Variants in LYPD6 observed in about 807,000 individuals in gnomAD.
The protein encoded by LYPD6 is ly6/PLAUR domain-containing protein 6.
LYPD6 carries 15 observed loss-of-function variants against 22.7 expected under a neutral mutation model. The observed-to-expected ratio is 0.66, with a 90% confidence interval of 0.44 to 1.02. LYPD6 has a LOEUF of 1.02. Ranked by LOEUF, LYPD6 falls within the 50% of genes least tolerant of loss-of-function variation. The pLI, the probability that LYPD6 is intolerant of heterozygous loss-of-function variation, is 0.00. For missense variants in LYPD6, 189 were observed against 208.4 expected (o/e 0.91, Z 0.57); for synonymous variants, 72 against 77.5 (o/e 0.93, Z 0.37).
intron 1 of LYPD6, among the ~76,000 whole-genome samples, chr2:149,374,700 G>A (rs1026325020): frequency 1.3e-5 from 2 of 152,176 alleles, no homozygotes; most frequent in African/African-American, 4.8e-5. Flanking sequence ...GTTTCCCTCT[G>A]CTGGTGTCAA....
chr2:149,398,372 A>G (rs1460044740), intron 1 of LYPD6, among the ~76,000 whole-genome samples: 4 of 151,852 alleles, frequency 2.6e-5, no homozygotes, highest in African/African-American at 9.7e-5. Flanking sequence ...CTATTGTAGA[A>G]GATTATCCTT....
intron 1 of LYPD6, among the ~76,000 whole-genome samples, chr2:149,350,613 A>G (rs1681340366): frequency 6.6e-6 from 1 of 152,206 alleles, no homozygotes; most frequent in Admixed American, 6.5e-5. Context: ...TGACAGGAAT[A>G]TTCTATGTAT....
chr2:149,419,740 G>A (rs1683038631), intron 1 of LYPD6, among the ~76,000 whole-genome samples: 1 of 152,092 alleles, frequency 6.6e-6, no homozygotes, highest in African/African-American at 2.4e-5. Flanking sequence ...AGAACAACCA[G>A]TTATCTCATA....
chr2:149,416,850 A>T (rs1249228659), intron 1 of LYPD6, among the ~76,000 whole-genome samples: 1 of 152,164 alleles, frequency 6.6e-6, no homozygotes, highest in African/African-American at 2.4e-5. Context: ...GCACATTTAG[A>T]AGGCAGTTCT....
chr2:149,437,469 G>A (rs1256446807), intron 1 of LYPD6, among the ~76,000 whole-genome samples, 169 bp from the exon 2 acceptor site: 3 of 152,124 alleles, frequency 2.0e-5, no homozygotes, highest in African/African-American at 7.2e-5. Flanking sequence ...ATCTGGGCTG[G>A]AATGTTCTCA....
intron 1 of LYPD6, among the ~76,000 whole-genome samples, chr2:149,413,149 A>G (rs980254202): frequency 2.6e-5 from 4 of 152,138 alleles, no homozygotes; most frequent in Admixed American, 2.0e-4. Context: ...TTCCTCACCC[A>G]AGGGAAACTG....
chr2:149,349,811 A>G (rs147479715), intron 1 of LYPD6, among the ~76,000 whole-genome samples: 6 of 152,326 alleles, frequency 3.9e-5, no homozygotes, highest in African/African-American at 7.2e-5. Context: ...TTGTCTTTCA[A>G]AAAGCAGCCT....
At position 149,419,755 on chromosome 2, in the gene LYPD6, A is replaced by G. The variant is rs897028654; in HGVS notation, c.-71-17883A>G. ...AGAACAACCAGTTATCTCATATCAAATGCTGATCCTTCAAAGACTTTTGAT... is the reference window on the plus strand; with the variant it reads ...AGAACAACCAGTTATCTCATATCAAGTGCTGATCCTTCAAAGACTTTTGAT... On this transcript the variant is annotated intron_variant, in intron 1 of 4. Coordinates refer to ENST00000334166, the MANE Select transcript of LYPD6 (RefSeq NM_194317.5). Among the ~76,000 whole-genome samples the G allele has an allele frequency of 1.2e-4, 18 of 152,318 alleles. No homozygotes were observed. The East Asian group carries it at 3.3e-3, about 28-fold the overall frequency.
intron 1 of LYPD6, among the ~76,000 whole-genome samples, chr2:149,415,382 A>T (rs1446424601): frequency 6.6e-6 from 1 of 152,148 alleles, no homozygotes; most frequent in Non-Finnish European, 1.5e-5. Flanking sequence ...ATGGCTCTTT[A>T]GTGTGGAGTC....
intron 1 of LYPD6, among the ~76,000 whole-genome samples, chr2:149,402,404 G>T (rs973730134): frequency 6.6e-6 from 1 of 152,140 alleles, no homozygotes; most frequent in Non-Finnish European, 1.5e-5. Flanking sequence ...TAGATACCTA[G>T]CAGTGGGATT....
intron 1 of LYPD6, among the ~76,000 whole-genome samples, chr2:149,331,987 T>C (rs535563162): frequency 6.6e-6 from 1 of 152,366 alleles, no homozygotes. Context: ...ATTTTGGATC[T>C]GCACCTTATT....
At chr2:149,415,928 C>T (rs1451733189) in intron 1 of LYPD6, among the ~76,000 whole-genome samples, 1 of 152,120 alleles carries the variant, frequency 6.6e-6, no homozygotes, top group Non-Finnish European at 1.5e-5. Flanking sequence ...GCCATCTGCC[C>T]ACCTTGGTCT....
chr2:149,396,203 C>G (rs1682425530), intron 1 of LYPD6, among the ~76,000 whole-genome samples: 1 of 152,016 alleles, frequency 6.6e-6, no homozygotes, highest in South Asian at 2.1e-4. Context: ...ATATAGAACT[C>G]TCTGTGAAAT....
At chr2:149,385,188 G>C (rs1682156689) in intron 1 of LYPD6, among the ~76,000 whole-genome samples, 1 of 151,968 alleles carries the variant, frequency 6.6e-6, no homozygotes, top group South Asian at 2.1e-4. Context: ...AGGTGGCAGA[G>C]TGCAAATGGG....
At chr2:149,397,090 G>A (rs1682443870) in intron 1 of LYPD6, among the ~76,000 whole-genome samples, 1 of 152,078 alleles carries the variant, frequency 6.6e-6, no homozygotes, top group South Asian at 2.1e-4. Flanking sequence ...ATCTGTGGTT[G>A]GTTCACTTCA....
Position 149,472,766 on chromosome 2 carries a change from G to A in LYPD6, c.*1916G>A, listed in dbSNP as rs1681371555. On this transcript the variant is annotated 3_prime_UTR_variant, in exon 5 of 5. Transcript: ENST00000334166. ...TTACTAGCATTTACACTTCCCAAAT[G>A]AAGGTACCAAAGCTCAAACGCAATG... The A allele has an allele frequency of 6.6e-6, 1 of 152,612 alleles. No homozygotes were observed. The highest frequency in any genetic ancestry group is 2.4e-5 in the African/African-American group (1 of 41,444). 9.5% of individuals were successfully genotyped at this position (152,612 alleles called of 1,614,324 possible). A position where few individuals can be genotyped will look rare whatever the true frequency, so the allele number is the denominator to read the frequency against.
intron 1 of LYPD6, among the ~76,000 whole-genome samples, chr2:149,423,667 A>G (rs559327229): frequency 1.3e-5 from 2 of 151,050 alleles, no homozygotes; most frequent in East Asian, 3.9e-4. Context: ...TCCTTCATGT[A>G]TAAAATAACA....
At chr2:149,406,695 G>A (rs1231720972) in intron 1 of LYPD6, among the ~76,000 whole-genome samples, 1 of 152,138 alleles carries the variant, frequency 6.6e-6, no homozygotes, top group Non-Finnish European at 1.5e-5. Flanking sequence ...CAATTTGCCA[G>A]TCTGTGTCTT....
intron 1 of LYPD6, among the ~76,000 whole-genome samples, chr2:149,352,373 A>C (rs1041964160): frequency 6.6e-6 from 1 of 152,124 alleles, no homozygotes; most frequent in Non-Finnish European, 1.5e-5. Context: ...TACTCTGGGG[A>C]GAGAGAATGA....
Sources: allele counts gnomAD v4.1 joint callset (sites outside exome capture counted in the v4.1 genomes callset), GRCh38; gene constraint gnomAD v4.1.1; transcripts MANE v1.5; gene names NCBI Gene and HGNC (gene_info 2026-07-23, HGNC 2026-07-21).